HMGCLL1: variants seen among roughly 807,000 people sequenced by gnomAD.
HMGCLL1 encodes the protein 3-hydroxy-3-methylglutaryl-CoA lyase like 1.
HMGCLL1 carries 36 observed loss-of-function variants against 39.1 expected under a neutral mutation model. That is an observed-to-expected ratio of 0.92 (90% CI 0.71 to 1.22). The LOEUF is 1.22. Ranked by LOEUF, HMGCLL1 falls within the 50% of genes most tolerant of loss-of-function variation. HMGCLL1 has a pLI of 0.00. For missense variants in HMGCLL1, 451 were observed against 416.5 expected (o/e 1.08, Z -0.72); for synonymous variants, 149 against 144.0 (o/e 1.03, Z -0.25).
chr6:55,524,248 G>T (rs934747880), intron 3 of HMGCLL1, among the ~76,000 whole-genome samples: 4 of 151,364 alleles, frequency 2.6e-5, no homozygotes, highest in Non-Finnish European at 4.4e-5. Flanking sequence ...GACGAACAAA[G>T]AATGTATAGT....
intron 1 of HMGCLL1, among the ~76,000 whole-genome samples, chr6:55,565,493 T>C (rs1303532338): frequency 6.6e-6 from 1 of 152,100 alleles, no homozygotes; most frequent in East Asian, 1.9e-4. Flanking sequence ...AAGTTGCAAA[T>C]TGACAGCAAG....
chr6:55,473,344 T>C (rs1765128020), intron 7 of HMGCLL1, among the ~76,000 whole-genome samples: 1 of 151,354 alleles, frequency 6.6e-6, no homozygotes, highest in South Asian at 2.1e-4. Flanking sequence ...TCTCTGGTTT[T>C]AATCGATAAT....
At chr6:55,564,188 C>T (rs1226465075) in intron 1 of HMGCLL1, among the ~76,000 whole-genome samples, 1 of 151,908 alleles carries the variant, frequency 6.6e-6, no homozygotes, top group Admixed American at 6.6e-5. Context: ...GGACAACTGC[C>T]TTGTCATTAT....
chr6:55,476,826 T>C (rs1765310116), intron 7 of HMGCLL1, among the ~76,000 whole-genome samples: 1 of 151,210 alleles, frequency 6.6e-6, no homozygotes, highest in Non-Finnish European at 1.5e-5. Flanking sequence ...GTAATAATCT[T>C]GTAGGATTTG....
the HMGCLL1 span, among the ~76,000 whole-genome samples, chr6:55,629,114 A>G: frequency 1.3e-5 from 2 of 152,152 alleles, no homozygotes; most frequent in African/African-American, 2.4e-5. Flanking sequence ...AGAAGAAGAT[A>G]GGAAAATGTG....
At chr6:55,619,319 A>T in the HMGCLL1 span, among the ~76,000 whole-genome samples, 2 of 152,144 alleles carry the variant, frequency 1.3e-5, no homozygotes, top group Non-Finnish European at 2.9e-5. Flanking sequence ...TTAAATTCAC[A>T]TTCCTCATAA....
At chr6:55,511,184 G>GA (rs1325307942) in intron 5 of HMGCLL1, among the ~76,000 whole-genome samples, 2 of 151,812 alleles carry the variant, frequency 1.3e-5, no homozygotes, top group Non-Finnish European at 2.9e-5. Flanking sequence ...ACAGTTAATA[G>GA]AAAAATTATC....
chr6:55,495,930 A>G (rs1033716106), intron 6 of HMGCLL1, among the ~76,000 whole-genome samples: 28 of 152,140 alleles, frequency 1.8e-4, no homozygotes, highest in African/African-American at 6.3e-4. Flanking sequence ...ATGTTTCTCA[A>G]CACTATAATC....
At chr6:55,490,861 T>C (rs1481725961) in intron 7 of HMGCLL1, among the ~76,000 whole-genome samples, 1 of 151,690 alleles carries the variant, frequency 6.6e-6, no homozygotes, top group Admixed American at 6.6e-5. Context: ...GGAGATGAAC[T>C]AAAGCAAATA....
intron 1 of HMGCLL1, among the ~76,000 whole-genome samples, chr6:55,543,476 TAA>T (rs1491342883): frequency 1.2e-3 from 11 of 8,840 alleles, no homozygotes; most frequent in South Asian, 0.011. Flanking sequence ...ATATCATATA[TAA>T]TATATATATG....
chr6:55,554,009 T>C (rs1361355753), intron 1 of HMGCLL1, among the ~76,000 whole-genome samples: 2 of 152,094 alleles, frequency 1.3e-5, no homozygotes, highest in African/African-American at 4.8e-5. Context: ...CCTGTTCCAC[T>C]TGGCAATGTC....
At chr6:55,591,160 G>T in the HMGCLL1 span, among the ~76,000 whole-genome samples, 1 of 151,924 alleles carries the variant, frequency 6.6e-6, no homozygotes, top group African/African-American at 2.4e-5. Flanking sequence ...TTCCAAGAGA[G>T]CTTCTTTAGA....
At chr6:55,587,993 A>G in the HMGCLL1 span, among the ~76,000 whole-genome samples, 1 of 152,186 alleles carries the variant, frequency 6.6e-6, no homozygotes, top group Non-Finnish European at 1.5e-5. Flanking sequence ...TAGACAAATC[A>G]ACGAGACAGA....
At chr6:55,671,369 C>T in the HMGCLL1 span, among the ~76,000 whole-genome samples, 7 of 151,680 alleles carry the variant, frequency 4.6e-5, no homozygotes, top group Non-Finnish European at 1.0e-4. Context: ...CTTACAGAAA[C>T]GTGAGGTAAT....
chr6:55,606,276 A>G, the HMGCLL1 span, among the ~76,000 whole-genome samples: 1 of 152,214 alleles, frequency 6.6e-6, no homozygotes, highest in Non-Finnish European at 1.5e-5. Context: ...AGATTTCTCA[A>G]TGACTTTTTA....
intron 5 of HMGCLL1, among the ~76,000 whole-genome samples, chr6:55,509,497 C>T (rs189409595): frequency 9.3e-4 from 142 of 151,972 alleles, no homozygotes; most frequent in African/African-American, 3.3e-3. Flanking sequence ...AGGAAAGACA[C>T]ACTCAATGCA....
At chr6:55,564,281 A>G (rs989334909) in intron 1 of HMGCLL1, among the ~76,000 whole-genome samples, 5 of 152,076 alleles carry the variant, frequency 3.3e-5, no homozygotes, top group African/African-American at 1.2e-4. Context: ...TTTCTTGTGA[A>G]AACGATGGAA....
chr6:55,525,221 T>C (rs755688902), intron 3 of HMGCLL1, among the ~76,000 whole-genome samples: 30 of 151,134 alleles, frequency 2.0e-4, no homozygotes, highest in Non-Finnish European at 4.4e-4. Flanking sequence ...AAAAGAATTC[T>C]AGAGGGCCTT....
At chr6:55,507,078 C>G (rs551117318) in intron 5 of HMGCLL1, among the ~76,000 whole-genome samples, 2 of 151,544 alleles carry the variant, frequency 1.3e-5, no homozygotes, top group Non-Finnish European at 3.0e-5. Context: ...ATGTGTTGTA[C>G]CAGAAAGCAT....
Sources: gnomAD v4.1 joint callset for allele counts (sites outside exome capture counted in the v4.1 genomes callset) on GRCh38, gnomAD v4.1.1 for gene constraint, MANE v1.5 for transcripts, NCBI Gene and HGNC (gene_info 2026-07-23, HGNC 2026-07-21) for gene names.